MBD5: variants seen among roughly 807,000 people sequenced by gnomAD.
MBD5 encodes the protein methyl-CpG-binding domain protein 5.
Under a neutral mutation model 117.3 loss-of-function variants are expected in MBD5, and 13 were observed. The ratio of observed to expected loss-of-function variants is 0.11; its 90% confidence interval spans 0.07 to 0.18. MBD5 has a LOEUF of 0.18. Ranked by LOEUF, MBD5 falls within the 10% of genes least tolerant of loss-of-function variation. The pLI is 1.00. For synonymous variants in MBD5, 727 were observed against 766.4 expected, an observed-to-expected ratio of 0.95 and a Z score of 0.85; for missense variants, 1,879 against 2,093.8, an observed-to-expected ratio of 0.90 and a Z score of 2.00.
intron 3 of MBD5, among the ~76,000 whole-genome samples, chr2:148,306,993 A>G (rs543710324): frequency 7.9e-5 from 12 of 152,314 alleles, no homozygotes; most frequent in African/African-American, 2.4e-4. Context: ...AAATACACCA[A>G]TGTAGGGTAA....
chr2:148,328,860 A>G (rs149118250), intron 3 of MBD5, among the ~76,000 whole-genome samples: 84 of 152,288 alleles, frequency 5.5e-4, no homozygotes, highest in Non-Finnish European at 9.1e-4. Context: ...CCATCCATAT[A>G]TATCTTTTTA....
At chr2:148,183,955 A>T (rs979139871) in intron 2 of MBD5, among the ~76,000 whole-genome samples, 8 of 152,064 alleles carry the variant, frequency 5.3e-5, no homozygotes, top group Non-Finnish European at 4.4e-5. Context: ...TAATTAATTT[A>T]AAAAAATAAA....
At chr2:148,367,716 CAT>C (rs1486234428) in intron 4 of MBD5, among the ~76,000 whole-genome samples, 1 of 152,090 alleles carries the variant, frequency 6.6e-6, no homozygotes, top group Non-Finnish European at 1.5e-5. Context: ...AGCCAACAAA[CAT>C]ATGAACAAAA....
At chr2:148,081,769 A>G (rs1244630842) in intron 1 of MBD5, among the ~76,000 whole-genome samples, 2 of 152,094 alleles carry the variant, frequency 1.3e-5, no homozygotes, top group Non-Finnish European at 2.9e-5. Context: ...GAACGGGTCT[A>G]CCTTTCTTTG....
At chr2:148,328,418 T>C (rs1181387403) in intron 3 of MBD5, among the ~76,000 whole-genome samples, 1 of 152,148 alleles carries the variant, frequency 6.6e-6, no homozygotes, top group Non-Finnish European at 1.5e-5. Flanking sequence ...GCCTGGGCAA[T>C]GGTGGGCGCC....
intron 1 of MBD5, among the ~76,000 whole-genome samples, chr2:148,161,293 T>C (rs538882465): frequency 6.6e-6 from 1 of 152,220 alleles, no homozygotes; most frequent in South Asian, 2.1e-4. Flanking sequence ...AAAGTGAAGA[T>C]CCAGAAATAA....
At chr2:148,051,560 A>T (rs1184955839) in intron 1 of MBD5, among the ~76,000 whole-genome samples, 5 of 149,532 alleles carry the variant, frequency 3.3e-5, no homozygotes, top group African/African-American at 1.2e-4. Context: ...GTTTTCACAG[A>T]TGTTCTGTCA....
intron 4 of MBD5, among the ~76,000 whole-genome samples, chr2:148,381,019 A>G (rs1183517545): frequency 6.6e-6 from 1 of 152,174 alleles, no homozygotes; most frequent in Non-Finnish European, 1.5e-5. Flanking sequence ...AAAGATGGGG[A>G]AAAAACAGAG....
chr2:148,391,145 A>T (rs933493867), intron 4 of MBD5, among the ~76,000 whole-genome samples: 2 of 152,194 alleles, frequency 1.3e-5, no homozygotes, highest in Admixed American at 6.5e-5. Context: ...ACAAGAGAAG[A>T]AAATGTCCTG....
chr2:148,150,555 G>T (rs1026978201), intron 1 of MBD5, among the ~76,000 whole-genome samples: 4 of 152,182 alleles, frequency 2.6e-5, no homozygotes, highest in African/African-American at 9.6e-5. Flanking sequence ...TCACGATATT[G>T]ATTCTTCTGA....
intron 11 of MBD5, among the ~76,000 whole-genome samples, chr2:148,494,378 G>T (rs1681629136): frequency 6.6e-6 from 1 of 152,116 alleles, no homozygotes; most frequent in Non-Finnish European, 1.5e-5. Flanking sequence ...CACTCAGTTT[G>T]TTGAGTGAAC....
intron 4 of MBD5, among the ~76,000 whole-genome samples, chr2:148,405,887 G>A (rs935417772): frequency 7.2e-5 from 11 of 152,178 alleles, no homozygotes; most frequent in African/African-American, 2.7e-4. Context: ...GGGGCACTGA[G>A]GGAGGTGGAT....
At chr2:148,035,335 T>C (rs536064682) in intron 1 of MBD5, among the ~76,000 whole-genome samples, 1 of 152,276 alleles carries the variant, frequency 6.6e-6, no homozygotes, top group East Asian at 1.9e-4. Context: ...TAATAACTGT[T>C]CTATAATCTG....
chr2:148,138,825 A>G (rs1437594328), intron 1 of MBD5, among the ~76,000 whole-genome samples: 3 of 152,226 alleles, frequency 2.0e-5, no homozygotes, highest in African/African-American at 4.8e-5. Flanking sequence ...TTTTAGAAAG[A>G]ACCGCTAAAA....
At chr2:148,343,737 C>T (rs149110611) in intron 4 of MBD5, among the ~76,000 whole-genome samples, 167 of 152,002 alleles carry the variant, frequency 1.1e-3, no homozygotes, top group African/African-American at 3.5e-3. Flanking sequence ...TCTATTTACT[C>T]TGTTGATAAT....
At chr2:148,443,598 G>A (rs1706398752) in intron 4 of MBD5, among the ~76,000 whole-genome samples, 1 of 151,342 alleles carries the variant, frequency 6.6e-6, no homozygotes, top group Non-Finnish European at 1.5e-5. Context: ...AGCATGATTG[G>A]AATTGGAGGT....
At chr2:148,248,690 TC>T (rs1700398824) in intron 3 of MBD5, among the ~76,000 whole-genome samples, 1 of 152,000 alleles carries the variant, frequency 6.6e-6, no homozygotes, top group Admixed American at 6.6e-5. Flanking sequence ...GATATGACAT[TC>T]CTGAGGAAGA....
chr2:148,179,072 T>C (rs1001297779), intron 2 of MBD5, among the ~76,000 whole-genome samples: 5 of 152,140 alleles, frequency 3.3e-5, no homozygotes, highest in Non-Finnish European at 7.4e-5. Context: ...AAGTAACTTC[T>C]GGCCGGGCGC....
intron 3 of MBD5, among the ~76,000 whole-genome samples, chr2:148,260,189 C>A (rs147460643): frequency 1.6e-3 from 244 of 152,308 alleles, no homozygotes; most frequent in African/African-American, 5.6e-3. Flanking sequence ...AAATTTGAAT[C>A]AATTCTCTCA....
Sources: gnomAD v4.1 joint callset for allele counts (sites outside exome capture counted in the v4.1 genomes callset) on GRCh38, gnomAD v4.1.1 for gene constraint, MANE v1.5 for transcripts, NCBI Gene and HGNC (gene_info 2026-07-23, HGNC 2026-07-21) for gene names.